The following IGSF11 variants were observed in gnomAD, a reference collection of about 807,000 sequenced individuals.
IGSF11 encodes the protein CXADR like 1.
Under a neutral mutation model 41.0 loss-of-function variants are expected in IGSF11, and 22 were observed. That is an observed-to-expected ratio of 0.54 (90% CI 0.38 to 0.77). IGSF11 has a LOEUF of 0.77. Among genes scored for constraint, IGSF11 ranks in the 30% least tolerant of loss-of-function variants. The pLI is 0.00. For missense variants in IGSF11, 444 were observed against 530.8 expected (o/e 0.84, Z 1.61); for synonymous variants, 219 against 201.3 (o/e 1.09, Z -0.74).
chr3:118,960,068 C>T (rs1206659363), intron 1 of IGSF11, among the ~76,000 whole-genome samples: 1 of 147,716 alleles, frequency 6.8e-6, no homozygotes, highest in African/African-American at 2.5e-5. Flanking sequence ...AAAGAAATAA[C>T]AAATGTGTCG....
At chr3:119,089,049 G>A (rs1231104690) in intron 1 of IGSF11, among the ~76,000 whole-genome samples, 3 of 152,034 alleles carry the variant, frequency 2.0e-5, no homozygotes, top group African/African-American at 7.2e-5. Flanking sequence ...CAAAAAAATC[G>A]AGGAGTAGGA....
intron 1 of IGSF11, among the ~76,000 whole-genome samples, chr3:119,045,415 C>T (rs1046195069): frequency 6.6e-6 from 1 of 152,222 alleles, no homozygotes; most frequent in Non-Finnish European, 1.5e-5. Context: ...TCACTCCCAC[C>T]CGAATACTGC....
At chr3:119,124,917 G>GAA (rs1478719041) in intron 1 of IGSF11, among the ~76,000 whole-genome samples, 2 of 152,032 alleles carry the variant, frequency 1.3e-5, no homozygotes, top group Non-Finnish European at 2.9e-5. Flanking sequence ...AGCAGCAAGA[G>GAA]AAAAGAAACA....
At chr3:119,105,023 T>A (rs1576803261) in intron 1 of IGSF11, 1 of 585,132 alleles carries the variant, frequency 1.7e-6, no homozygotes, top group Non-Finnish European at 3.0e-6. Context: ...TGGAAGATTT[T>A]TTTTAGTAGT....
At chr3:118,962,030 T>A (rs1945370926) in intron 1 of IGSF11, among the ~76,000 whole-genome samples, 1 of 152,256 alleles carries the variant, frequency 6.6e-6, no homozygotes, top group African/African-American at 2.4e-5. Context: ...TGGCCTGGAC[T>A]CTGATACATG....
chr3:118,953,439 A>C (rs1332401098), intron 1 of IGSF11, among the ~76,000 whole-genome samples: 45 of 152,188 alleles, frequency 3.0e-4, no homozygotes, highest in Non-Finnish European at 4.4e-5. Context: ...ATCAAATGGT[A>C]GTTCTACTTT....
chr3:118,979,934 G>A (rs1235788164), intron 1 of IGSF11, among the ~76,000 whole-genome samples: 1 of 151,846 alleles, frequency 6.6e-6, no homozygotes, highest in African/African-American at 2.4e-5. Flanking sequence ...TAATCATCAG[G>A]GAAATACAAA....
intron 2 of IGSF11, among the ~76,000 whole-genome samples, chr3:118,929,282 G>A (rs1426840470): frequency 2.0e-5 from 3 of 152,190 alleles, no homozygotes; most frequent in Non-Finnish European, 4.4e-5. Flanking sequence ...CTGTAAATGT[G>A]TTTAGTAACT....
chr3:118,928,345 C>A (rs914100362), intron 3 of IGSF11, among the ~76,000 whole-genome samples, 164 bp downstream of exon 3: 1 of 152,080 alleles, frequency 6.6e-6, no homozygotes, highest in African/African-American at 2.4e-5. Flanking sequence ...GAGGGGGAGA[C>A]TATCTGTAAG....
At chr3:119,134,684 A>T (rs1474781912) in intron 1 of IGSF11, among the ~76,000 whole-genome samples, 1 of 152,192 alleles carries the variant, frequency 6.6e-6, no homozygotes, top group Non-Finnish European at 1.5e-5. Flanking sequence ...AAGCAAAATG[A>T]CTTTCTTCAC....
intron 1 of IGSF11, among the ~76,000 whole-genome samples, chr3:119,009,717 T>C (rs1937868867): frequency 6.6e-6 from 1 of 152,226 alleles, no homozygotes; most frequent in South Asian, 2.1e-4. Flanking sequence ...AAGATTATTT[T>C]CCTTATCATT....
intron 1 of IGSF11, among the ~76,000 whole-genome samples, chr3:119,032,540 T>C (rs1202100778): frequency 2.0e-5 from 3 of 152,136 alleles, no homozygotes; most frequent in African/African-American, 7.2e-5. Context: ...ACTTTTTGGC[T>C]CTTTCTCCCT....
chr3:118,934,996 T>C (rs1170733055), intron 1 of IGSF11, among the ~76,000 whole-genome samples: 2 of 151,966 alleles, frequency 1.3e-5, no homozygotes, highest in East Asian at 1.9e-4. Context: ...TCATTTACAA[T>C]AGCTCAAGTG....
chr3:119,029,673 G>C (rs567857397), intron 1 of IGSF11, among the ~76,000 whole-genome samples: 5 of 152,186 alleles, frequency 3.3e-5, no homozygotes, highest in Non-Finnish European at 7.3e-5. Context: ...TGACTGCTGT[G>C]AACAGTGAAA....
At chr3:118,916,140 C>T (rs1309060327) in intron 4 of IGSF11, among the ~76,000 whole-genome samples, 30 of 150,574 alleles carry the variant, frequency 2.0e-4, no homozygotes, top group Non-Finnish European at 4.0e-4. Context: ...CGGTAGCAGC[C>T]GCTGCAAAAT....
chr3:119,084,537 C>T (rs1559858369), intron 1 of IGSF11, among the ~76,000 whole-genome samples: 1 of 152,146 alleles, frequency 6.6e-6, no homozygotes. Context: ...AAGCACCCAC[C>T]CCCACTGCAG....
At chr3:118,912,684 T>C (rs914476453) in intron 4 of IGSF11, among the ~76,000 whole-genome samples, 3 of 152,090 alleles carry the variant, frequency 2.0e-5, no homozygotes, top group African/African-American at 7.2e-5. Context: ...AATATCACCA[T>C]GAAGAAAAGT....
intron 1 of IGSF11, among the ~76,000 whole-genome samples, chr3:118,965,952 G>A (rs947610382): frequency 6.6e-6 from 1 of 151,476 alleles, no homozygotes; most frequent in African/African-American, 2.4e-5. Flanking sequence ...AGTTCATAGC[G>A]TTCAGAAAAG....
intron 1 of IGSF11, among the ~76,000 whole-genome samples, chr3:118,960,328 C>T (rs1945259280): frequency 1.3e-5 from 2 of 152,014 alleles, no homozygotes; most frequent in South Asian, 2.1e-4. Context: ...AGATGTCCAG[C>T]AACAGAGAAA....
Sources: allele counts gnomAD v4.1 joint callset (sites outside exome capture counted in the v4.1 genomes callset), GRCh38; gene constraint gnomAD v4.1.1; transcripts MANE v1.5; gene names NCBI Gene and HGNC (gene_info 2026-07-23, HGNC 2026-07-21).